Variants in ACSM3 observed in about 807,000 individuals in gnomAD.
ACSM3 encodes acyl-CoA synthetase medium chain family member 3.
ACSM3 carries 61 observed loss-of-function variants against 74.1 expected under a neutral mutation model. That is an observed-to-expected ratio of 0.82 (90% CI 0.67 to 1.02). The LOEUF is 1.02. ACSM3 is among the 50% of genes least tolerant of loss of function. ACSM3 has a pLI of 0.00. For synonymous variants in ACSM3, 213 were observed against 241.5 expected (o/e 0.88, Z 1.09); for missense variants, 660 against 697.0 (o/e 0.95, Z 0.60).
At chr16:20,747,239 T>A (rs1482368176) in intron 1 of ACSM3, among the ~76,000 whole-genome samples, 2 of 151,994 alleles carry the variant, frequency 1.3e-5, no homozygotes, top group African/African-American at 4.8e-5. Flanking sequence ...GAAAAACAAG[T>A]TTTTCTTCTC....
intron 1 of ACSM3, among the ~76,000 whole-genome samples, chr16:20,715,872 G>T (rs2079759892): frequency 6.6e-6 from 1 of 152,124 alleles, no homozygotes; most frequent in Non-Finnish European, 1.5e-5. Context: ...TTCACACAGG[G>T]CTCAGCAGGG....
intron 1 of ACSM3, among the ~76,000 whole-genome samples, chr16:20,708,874 T>C (rs2152373191): frequency 6.6e-6 from 1 of 152,348 alleles, no homozygotes; most frequent in East Asian, 1.9e-4. Flanking sequence ...TGTACTACAA[T>C]ATACTGCAAA....
intron 1 of ACSM3, chr16:20,711,492 A>G (rs2079743691): frequency 1.5e-6 from 2 of 1,366,656 alleles, no homozygotes; most frequent in Non-Finnish European, 1.0e-6. Context: ...TCATGCCAGG[A>G]ACAATCCAGC....
At chr16:20,691,978 A>T (rs777218456) in intron 1 of ACSM3, among the ~76,000 whole-genome samples, 9 of 152,126 alleles carry the variant, frequency 5.9e-5, no homozygotes, top group African/African-American at 1.7e-4. Flanking sequence ...GCAGTCATTC[A>T]AGTCCCTGGT....
chr16:20,711,766 C>A, intron 1 of ACSM3: 1 of 377,882 alleles, frequency 2.6e-6, no homozygotes, highest in Non-Finnish European at 5.1e-6. Flanking sequence ...TCCAAGGACT[C>A]AGGAACACTG....
At chr16:20,793,664 A>C (rs1261445069) in intron 12 of ACSM3, among the ~76,000 whole-genome samples, 1 of 152,172 alleles carries the variant, frequency 6.6e-6, no homozygotes, top group Non-Finnish European at 1.5e-5. Flanking sequence ...TAGTTTGTCA[A>C]GTTGCTAGGA....
intron 1 of ACSM3, among the ~76,000 whole-genome samples, chr16:20,765,022 T>A (rs945333343): frequency 2.0e-5 from 3 of 152,158 alleles, no homozygotes; most frequent in Non-Finnish European, 4.4e-5. Context: ...ACTACTGTTA[T>A]TACTTGGATA....
chr16:20,763,805 C>T (rs942138350), upstream of ACSM3: 3 of 152,244 alleles, frequency 2.0e-5, no homozygotes, highest in Non-Finnish European at 2.9e-5. Context: ...TTCGGCAACT[C>T]CTTGGACACT....
intron 1 of ACSM3, chr16:20,721,614 C>G (rs1342064798): frequency 6.6e-6 from 1 of 152,176 alleles, no homozygotes; most frequent in African/African-American, 2.4e-5. Flanking sequence ...CTCAATTTGG[C>G]TGACTTTCCT....
At chr16:20,681,089 C>A (rs2152307205) in intron 1 of ACSM3, 1 of 152,236 alleles carries the variant, frequency 6.6e-6, no homozygotes, top group South Asian at 2.1e-4. Flanking sequence ...ATATTATTGG[C>A]CAGCTACCTG....
chr16:20,766,800 G>A (rs971124219), intron 1 of ACSM3, among the ~76,000 whole-genome samples: 4 of 152,124 alleles, frequency 2.6e-5, no homozygotes, highest in African/African-American at 4.8e-5. Context: ...AGATCTCTGC[G>A]CACTGGTATG....
intron 1 of ACSM3, chr16:20,741,828 T>A: frequency 6.5e-7 from 1 of 1,539,902 alleles, no homozygotes; most frequent in Non-Finnish European, 8.7e-7. Flanking sequence ...TGACGTCGGA[T>A]ATGAGCGACG....
chr16:20,714,208 C>CA (rs67524952), intron 1 of ACSM3, among the ~76,000 whole-genome samples: 7,458 of 134,678 alleles, frequency 0.055, 594 homozygotes, highest in African/African-American at 0.19. Flanking sequence ...GATATGGAGG[C>CA]AAAAAAAAAA....
intron 1 of ACSM3, among the ~76,000 whole-genome samples, chr16:20,699,969 C>T (rs955279393): frequency 6.6e-6 from 1 of 152,178 alleles, no homozygotes; most frequent in Non-Finnish European, 1.5e-5. Context: ...ACAATAAACT[C>T]CATGTGGAAG....
intron 1 of ACSM3, among the ~76,000 whole-genome samples, chr16:20,719,767 G>A (rs1379894532): frequency 6.6e-6 from 1 of 152,210 alleles, no homozygotes; most frequent in Non-Finnish European, 1.5e-5. Context: ...CTCTTGTGCA[G>A]AGCAGAGATT....
At chr16:20,777,085 T>G (rs2080264784) in intron 3 of ACSM3, among the ~76,000 whole-genome samples, 1 of 152,228 alleles carries the variant, frequency 6.6e-6, no homozygotes, top group African/African-American at 2.4e-5. Context: ...TGGTTAATAT[T>G]ACTTTTCAAT....
chr16:20,754,381 T>C (rs1285535633), intron 2 of ACSM3, among the ~76,000 whole-genome samples: 1 of 152,088 alleles, frequency 6.6e-6, no homozygotes, highest in Admixed American at 6.6e-5. Context: ...ACACTCAGGG[T>C]TCCCACATAA....
intron 1 of ACSM3, among the ~76,000 whole-genome samples, chr16:20,731,133 TG>T (rs2079827950): frequency 6.6e-6 from 1 of 152,186 alleles, no homozygotes; most frequent in Non-Finnish European, 1.5e-5. Context: ...CCCAATGTTG[TG>T]GGATTATAGG....
At chr16:20,686,207 GA>G (rs141068434) in intron 1 of ACSM3, among the ~76,000 whole-genome samples, 2,372 of 151,992 alleles carry the variant, frequency 0.016, 61 homozygotes, top group African/African-American at 0.054. Flanking sequence ...CTAAATTTTT[GA>G]AAAAAATTTT....
Sources: gnomAD v4.1 joint callset for allele counts (sites outside exome capture counted in the v4.1 genomes callset) on GRCh38, gnomAD v4.1.1 for gene constraint, MANE v1.5 for transcripts, NCBI Gene and HGNC (gene_info 2026-07-23, HGNC 2026-07-21) for gene names.